Variants in MET observed in about 807,000 individuals in gnomAD.
MET encodes MET proto-oncogene, receptor tyrosine kinase, also known as hepatocyte growth factor receptor.
A neutral mutation model predicts 133.1 loss-of-function variants in MET; 48 were observed. That is an observed-to-expected ratio of 0.36 (90% CI 0.29 to 0.46). The LOEUF (loss-of-function observed/expected upper bound fraction) is 0.46. MET is among the 20% of genes least tolerant of loss of function. The pLI is 1.00. For synonymous variants in MET, 628 were observed against 616.5 expected, an observed-to-expected ratio of 1.02 and a Z score of -0.28; for missense variants, 1,442 against 1,695.9, an observed-to-expected ratio of 0.85 and a Z score of 2.63.
chr7:116,769,852 T>G, intron 12 of MET, 61 bp downstream of exon 12: 1 of 1,608,750 alleles, frequency 6.2e-7, no homozygotes, highest in Non-Finnish European at 8.5e-7. Context: ...TATGTTATTC[T>G]CAGGCTTAAA....
chr7:116,696,599 C>G (rs1228066468), intron 1 of MET, among the ~76,000 whole-genome samples: 1 of 152,202 alleles, frequency 6.6e-6, no homozygotes, highest in Admixed American at 6.5e-5. Flanking sequence ...GCCTCACTGA[C>G]CTTAACCTTC....
chr7:116,747,315 A>G (rs1793730503), intron 5 of MET, among the ~76,000 whole-genome samples: 1 of 152,222 alleles, frequency 6.6e-6, no homozygotes, highest in Admixed American at 6.5e-5. Flanking sequence ...TGCCCCAATT[A>G]AAAGACACAG....
intron 1 of MET, among the ~76,000 whole-genome samples, chr7:116,691,702 T>C (rs1796783558): frequency 6.6e-6 from 1 of 152,148 alleles, no homozygotes; most frequent in Non-Finnish European, 1.5e-5. Flanking sequence ...GTGGCAAAGA[T>C]GGGCATCAGA....
chr7:116,735,643 A>G (rs901676247), intron 3 of MET, among the ~76,000 whole-genome samples: 4 of 152,228 alleles, frequency 2.6e-5, no homozygotes, highest in Non-Finnish European at 5.9e-5. Flanking sequence ...GGAAGCTTCA[A>G]CTTGAACAAT....
chr7:116,715,668 C>G (rs1370588027), intron 2 of MET, among the ~76,000 whole-genome samples: 1 of 152,146 alleles, frequency 6.6e-6, no homozygotes, highest in Non-Finnish European at 1.5e-5. Flanking sequence ...TTCATTTAAG[C>G]CTCAAAACAA....
At chr7:116,724,705 T>C (rs1792669894) in intron 2 of MET, 2 of 735,256 alleles carry the variant, frequency 2.7e-6, no homozygotes, top group South Asian at 2.9e-5. Flanking sequence ...AGGGAAGCTT[T>C]TGGAAGCCAC....
At chr7:116,740,162 T>G in intron 4 of MET, 78 bp downstream of exon 4, 1 of 1,514,824 alleles carries the variant, frequency 6.6e-7, no homozygotes, top group Non-Finnish European at 9.2e-7. Context: ...CACTTGGCCC[T>G]TTATAATGTC....
At chr7:116,779,024 C>T (rs2117049340) in intron 17 of MET, 67 bp downstream of exon 17, 1 of 1,517,974 alleles carries the variant, frequency 6.6e-7, no homozygotes, top group Non-Finnish European at 9.1e-7. Context: ...TCAAAATAGG[C>T]CTGCTCTGAG....
chr7:116,672,953 G>GT (rs1796026948), intron 1 of MET, among the ~76,000 whole-genome samples: 1 of 152,104 alleles, frequency 6.6e-6, no homozygotes, highest in Non-Finnish European at 1.5e-5. Context: ...GAGCCGAGCT[G>GT]TTTCCTTGTT....
intron 12 of MET, 100 bp from the exon 13 acceptor site, chr7:116,771,398 T>C (rs2116990326): frequency 7.5e-7 from 1 of 1,341,188 alleles, no homozygotes; most frequent in Non-Finnish European, 1.1e-6. Context: ...TGTAGAATGG[T>C]AATAACCAGT....
chr7:116,755,431 A>T lies in MET; in HGVS notation c.1778A>T (p.Asn593Ile), dbSNP rs1794141772. 1.9e-6 allele frequency: 3 copies of T among 1,614,144 alleles called. No homozygotes were observed. The highest frequency in any genetic ancestry group is 2.5e-6 in the Non-Finnish European group (3 of 1,180,004). Reference protein sequence around the residue: ...ICGWDFGFRRNNKFDLKKTRV... With the variant: ...ICGWDFGFRRINKFDLKKTRV... ...GGCTGGGACTTTGGATTTCGGAGGA[A>T]TAATAAATTTGATTTAAAGAAAACT... The change falls in exon 6 of 21, where the codon AAT becomes ATT. Residue 593 changes from asparagine (N) to isoleucine (I), a missense_variant. Around this residue, in one of 6 missense-constraint regions of MET, gnomAD observed 762 missense variants for 792.4 expected, o/e 0.96. Coordinates refer to ENST00000397752, the MANE Select transcript of MET (RefSeq NM_000245.4).
At chr7:116,706,218 C>T (rs76037678) in intron 2 of MET, among the ~76,000 whole-genome samples, 3,884 of 151,992 alleles carry the variant, frequency 0.026, 58 homozygotes, top group South Asian at 0.1. Context: ...TTAACTATGC[C>T]GCATGCATTT....
At chr7:116,747,810 C>A (rs962499004) in intron 5 of MET, among the ~76,000 whole-genome samples, 5 of 152,216 alleles carry the variant, frequency 3.3e-5, no homozygotes, top group African/African-American at 9.7e-5. Flanking sequence ...CATTCCAAAT[C>A]AGTAGAATAT....
intron 1 of MET, among the ~76,000 whole-genome samples, chr7:116,672,852 G>T (rs754474067): frequency 5.3e-5 from 8 of 152,098 alleles, no homozygotes; most frequent in Non-Finnish European, 8.8e-5. Context: ...GACTGTTACG[G>T]CCCAGCAAGT....
chr7:116,759,429 A>G lies in MET; in HGVS notation c.2303A>G (p.Asn768Ser), dbSNP rs749126070. Residue 768 changes from asparagine (N) to serine (S), a missense_variant, in exon 10 of 21, where the codon AAT becomes AGT. Coordinates refer to ENST00000397752, the MANE Select transcript of MET (RefSeq NM_000245.4). ...ATAACAGGTGTTGGGAAAAACCTGA[A>G]TTCAGTTAGTGTCCCGAGAATGGTC... is the stretch of plus-strand genomic sequence containing the variant. ...STITGVGKNL[N>S]SVSVPRMVIN... The G allele has an allele frequency of 3.1e-6, 5 of 1,613,796 alleles. No individual in the cohort carries two copies. Among genetic ancestry groups the G allele is most frequent in the Admixed American group, 3.3e-5 (2 of 59,960 alleles).
rs879866507 is a variant in MET at position 116,720,407 on chromosome 7, G to C, written c.1201-11261G>C. Among the ~76,000 whole-genome samples the C allele has an allele frequency of 6.8e-3, 974 of 143,836 alleles. 4 individuals are homozygous for C. The highest frequency in any genetic ancestry group is 0.011 in the Non-Finnish European group (705 of 66,758). 94.4% of individuals were successfully genotyped at this position (143,836 alleles called of 152,430 possible). A position where few individuals can be genotyped will look rare whatever the true frequency, so the allele number is the denominator to read the frequency against. On this transcript the variant is annotated intron_variant, in intron 2 of 20. Coordinates refer to ENST00000397752, the MANE Select transcript of MET (RefSeq NM_000245.4). ...TGGGCTGAGACAATGGGGTTTTCTA[G>C]ATATACAATCATGTCGTCTGCAAAC...
Position 116,716,902 on chromosome 7 carries a change from C to T in MET, c.1201-14766C>T, listed in dbSNP as rs368227467. Among the ~76,000 whole-genome samples the T allele has an allele frequency of 2.8e-4, 43 of 152,326 alleles. No individual in the cohort carries two copies. In the East Asian group the frequency reaches 5.6e-3, roughly 20 times the overall value. On this transcript the variant is annotated intron_variant, in intron 2 of 20. Coordinates refer to ENST00000397752, the MANE Select transcript of MET (RefSeq NM_000245.4). ...GGCTGTCTGGCTGCACACACAACCG[C>T]AGAGCATGCCCTCTCTGGCTAGGGC...
intron 2 of MET, among the ~76,000 whole-genome samples, chr7:116,701,944 GA>G (rs1158352400): frequency 6.6e-6 from 1 of 151,874 alleles, no homozygotes; most frequent in Non-Finnish European, 1.5e-5. Context: ...GGTAGGGCAA[GA>G]AAAAAATTAA....
rs986139438 is a variant in MET, at chr7:116,731,744, G to A, written c.1277G>A (p.Arg426His). Residue 426 changes from arginine (R) to histidine (H), a missense_variant, in exon 3 of 21, where the codon CGC becomes CAC. Coordinates refer to ENST00000397752, the MANE Select transcript of MET (RefSeq NM_000245.4). The stretch of plus-strand genomic sequence containing the variant: ...ACAGAGTTTACCACAGCTTTGCAGC[G>A]CGTTGACTTATTCATGGGTCAATTC... ...YRTEFTTALQRVDLFMGQFSE... is the reference protein window; with the variant it reads ...YRTEFTTALQHVDLFMGQFSE... The A allele has an allele frequency of 6.2e-6, 10 of 1,613,966 alleles. No individual in the cohort carries two copies. The highest frequency in any genetic ancestry group is 4.0e-5 in the African/African-American group (3 of 74,910).
Sources: allele counts gnomAD v4.1 joint callset (sites outside exome capture counted in the v4.1 genomes callset), GRCh38; gene constraint gnomAD v4.1.1; regional missense constraint gnomAD v4.1.1; transcripts MANE v1.5; gene names NCBI Gene and HGNC (gene_info 2026-07-23, HGNC 2026-07-21).